IFT25: variants seen among roughly 807,000 people sequenced by gnomAD.
IFT25 encodes intraflagellar transport 25, also known as intraflagellar transport protein 25 homolog.
At chr1:53,922,134 C>T in the IFT25 span, among the ~76,000 whole-genome samples, 1 of 152,202 alleles carries the variant, frequency 6.6e-6, no homozygotes, top group East Asian at 1.9e-4. Context: ...GTGGCTCACA[C>T]CTGTAATCCC....
chr1:53,925,322 A>T, the IFT25 span, among the ~76,000 whole-genome samples: 1 of 152,140 alleles, frequency 6.6e-6, no homozygotes, highest in East Asian at 1.9e-4. Flanking sequence ...ACCAGAAATT[A>T]ATAATAAACT....
the IFT25 span, among the ~76,000 whole-genome samples, chr1:53,933,681 GAT>G: frequency 1.3e-5 from 2 of 152,134 alleles, no homozygotes; most frequent in Admixed American, 1.3e-4. Flanking sequence ...CTGACAATCT[GAT>G]ATTTAACTGG....
At chr1:53,940,858 C>G in the IFT25 span, among the ~76,000 whole-genome samples, 1 of 151,918 alleles carries the variant, frequency 6.6e-6, no homozygotes, top group African/African-American at 2.4e-5. Flanking sequence ...TACAGGTATG[C>G]CACTATGCCC....
At chr1:53,913,292 A>G in the IFT25 span, among the ~76,000 whole-genome samples, 3 of 152,126 alleles carry the variant, frequency 2.0e-5, no homozygotes, top group African/African-American at 7.2e-5. Flanking sequence ...AGCCATGTTT[A>G]ATTTTTCCCT....
At chr1:53,924,137 T>C in the IFT25 span, among the ~76,000 whole-genome samples, 1 of 152,126 alleles carries the variant, frequency 6.6e-6, no homozygotes, top group Non-Finnish European at 1.5e-5. Flanking sequence ...AAAGATAAAC[T>C]ATGAGCTATA....
chr1:53,923,714 A>G, the IFT25 span: 1 of 491,478 alleles, frequency 2.0e-6, no homozygotes, highest in East Asian at 3.3e-5. Flanking sequence ...TCTCTATGAA[A>G]GGTAAGAACC....
the IFT25 span, chr1:53,928,661 A>C: frequency 4.5e-6 from 2 of 444,164 alleles, no homozygotes; most frequent in Non-Finnish European, 8.0e-6. Flanking sequence ...CATACAACAC[A>C]GAGCAAGTAG....
At chr1:53,921,323 C>CATCA in the IFT25 span, among the ~76,000 whole-genome samples, 2 of 152,146 alleles carry the variant, frequency 1.3e-5, no homozygotes, top group African/African-American at 4.8e-5. Flanking sequence ...TAGTCCTTTG[C>CATCA]ATCAATCAAT....
chr1:53,913,082 C>T, the IFT25 span, among the ~76,000 whole-genome samples: 3 of 152,192 alleles, frequency 2.0e-5, no homozygotes, highest in South Asian at 6.2e-4. Flanking sequence ...TGAGAATTTG[C>T]CCTCATGACA....
At chr1:53,940,457 AG>A in the IFT25 span, among the ~76,000 whole-genome samples, 2 of 152,244 alleles carry the variant, frequency 1.3e-5, no homozygotes, top group African/African-American at 2.4e-5. Flanking sequence ...AAAAGAATAA[AG>A]AAAAATGGGA....
At chr1:53,944,987 G>A in the IFT25 span, among the ~76,000 whole-genome samples, 1 of 152,134 alleles carries the variant, frequency 6.6e-6, no homozygotes, top group Non-Finnish European at 1.5e-5. Flanking sequence ...CTTTCTTCAA[G>A]CATCATCCAT....
the IFT25 span, among the ~76,000 whole-genome samples, chr1:53,934,037 T>C: frequency 6.6e-6 from 1 of 152,166 alleles, no homozygotes; most frequent in African/African-American, 2.4e-5. Flanking sequence ...TCAGTTATCT[T>C]TCAAAAAAAT....
At chr1:53,928,632 T>A in the IFT25 span, 1 of 536,758 alleles carries the variant, frequency 1.9e-6, no homozygotes, top group East Asian at 3.0e-5. Context: ...GTGTAACTAA[T>A]CTTCCAAATG....
At chr1:53,944,411 C>A in the IFT25 span, among the ~76,000 whole-genome samples, 2 of 151,948 alleles carry the variant, frequency 1.3e-5, no homozygotes, top group Non-Finnish European at 2.9e-5. Flanking sequence ...TTGGGAGGCC[C>A]AGGCAGGCGG....
At chr1:53,917,194 ATAAAAT>A in the IFT25 span, 1 of 153,224 alleles carries the variant, frequency 6.5e-6, no homozygotes, top group Non-Finnish European at 1.5e-5. Context: ...AAAAAAATAA[ATAAAAT>A]TAAAGCATAT....
the IFT25 span, among the ~76,000 whole-genome samples, chr1:53,943,765 A>G: frequency 2.0e-5 from 3 of 152,036 alleles, no homozygotes; most frequent in Admixed American, 6.6e-5. Flanking sequence ...CTGGGACTAC[A>G]GGCATGCACC....
At chr1:53,937,218 G>A in the IFT25 span, among the ~76,000 whole-genome samples, 1 of 152,206 alleles carries the variant, frequency 6.6e-6, no homozygotes. Context: ...CTGGGTTCAA[G>A]CGATTCTCGT....
At chr1:53,933,414 G>A in the IFT25 span, among the ~76,000 whole-genome samples, 4 of 152,162 alleles carry the variant, frequency 2.6e-5, no homozygotes, top group African/African-American at 4.8e-5. Context: ...GATTGCAGGC[G>A]TGAGCCACCG....
the IFT25 span, among the ~76,000 whole-genome samples, chr1:53,926,395 G>A: frequency 4.6e-5 from 7 of 152,218 alleles, no homozygotes; most frequent in African/African-American, 1.4e-4. Flanking sequence ...CAAACGATCC[G>A]CCCACCTCAG....
Sources: allele counts gnomAD v4.1 joint callset (sites outside exome capture counted in the v4.1 genomes callset), GRCh38; gene constraint gnomAD v4.1.1; transcripts MANE v1.5; gene names NCBI Gene and HGNC (gene_info 2026-07-23, HGNC 2026-07-21).